The following ARSB variants were observed in gnomAD, a reference collection of about 807,000 sequenced individuals.
ARSB encodes N-acetylgalactosamine-4-sulfatase.
A neutral mutation model predicts 50.9 loss-of-function variants in ARSB; 41 were observed. The observed-to-expected ratio is 0.81, with a 90% CI of 0.63 to 1.04. The LOEUF (loss-of-function observed/expected upper bound fraction) is 1.04. ARSB is among the 50% of genes least tolerant of loss of function. The pLI, the probability that ARSB is intolerant of heterozygous loss-of-function variation, is 0.00. For missense variants in ARSB, 672 were observed against 693.3 expected (o/e 0.97, Z 0.35); for synonymous variants, 269 against 284.8 (o/e 0.94, Z 0.56).
At chr5:78,931,277 T>C (rs1750314859) in intron 4 of ARSB, among the ~76,000 whole-genome samples, 1 of 152,178 alleles carries the variant, frequency 6.6e-6, no homozygotes, top group Non-Finnish European at 1.5e-5. Context: ...TACTACAGGG[T>C]AAATCCTCAT....
intron 4 of ARSB, among the ~76,000 whole-genome samples, chr5:78,942,951 A>C (rs1407952569): frequency 1.3e-5 from 2 of 152,136 alleles, no homozygotes; most frequent in Non-Finnish European, 2.9e-5. Context: ...TTGCTTTATG[A>C]ATCTGGGTGC....
chr5:78,900,014 G>A (rs894044916), intron 4 of ARSB, among the ~76,000 whole-genome samples: 1 of 152,128 alleles, frequency 6.6e-6, no homozygotes, highest in South Asian at 2.1e-4. Flanking sequence ...TCGGCTCTAG[G>A]TGGCGCTATA....
In ARSB at chr5:78,911,572, TAAAAAAAAAAAAAAAAAAAAAAAAA is replaced by T. The variant is rs71001137; in HGVS notation, c.899-25770_899-25746del. ...CTGGGGAACAGAGTGAGACTCCCTCTAAAAAAAAAAAAAAAAAAAAAAAAAAAAAAAAAAAAAAAGAATAACTTGG... is the reference window on the plus strand; with the variant it reads ...CTGGGGAACAGAGTGAGACTCCCTCTAAAAAAAAAAAAAAGAATAACTTGG... On this transcript the variant is annotated intron_variant, in intron 4 of 7. Coordinates refer to ENST00000264914, the MANE Select transcript of ARSB (RefSeq NM_000046.5). Among the ~76,000 whole-genome samples, 395 of 67,858 alleles carry T rather than the reference TAAAAAAAAAAAAAAAAAAAAAAAAA, an allele frequency of 5.8e-3. 3 individuals are homozygous for T. The highest frequency in any genetic ancestry group is 0.03 in the African/African-American group (380 of 12,798). The allele number at this position is 67,858 out of a possible 152,430, so 44.5% of individuals were successfully genotyped here.
chr5:78,871,027 A>C (rs1300864268), intron 5 of ARSB, among the ~76,000 whole-genome samples: 2 of 150,640 alleles, frequency 1.3e-5, no homozygotes, highest in African/African-American at 4.9e-5. Flanking sequence ...AACAACAGAC[A>C]AACAGAGAGC....
At chr5:78,788,108 A>G (rs1421384947) in intron 6 of ARSB, among the ~76,000 whole-genome samples, 3 of 152,212 alleles carry the variant, frequency 2.0e-5, no homozygotes, top group Non-Finnish European at 4.4e-5. Context: ...TTGATGAATG[A>G]GCAGAAGCTA....
At chr5:78,940,982 C>T (rs1405865371) in intron 4 of ARSB, among the ~76,000 whole-genome samples, 1 of 151,804 alleles carries the variant, frequency 6.6e-6, no homozygotes, top group Non-Finnish European at 1.5e-5. Flanking sequence ...TGTAGTTCTC[C>T]TTGAAGAGGT....
chr5:78,909,009 G>T (rs1220195272), intron 4 of ARSB, among the ~76,000 whole-genome samples: 2 of 152,132 alleles, frequency 1.3e-5, no homozygotes, highest in East Asian at 1.9e-4. Flanking sequence ...ACTCCACTTG[G>T]ATCAAGCTCT....
chr5:78,798,136 C>T (rs995330638), intron 6 of ARSB, among the ~76,000 whole-genome samples: 6 of 152,128 alleles, frequency 3.9e-5, no homozygotes, highest in Middle Eastern at 3.2e-3. Context: ...TAAACATGAA[C>T]TTGCGGATCT....
intron 4 of ARSB, among the ~76,000 whole-genome samples, chr5:78,939,440 A>G (rs372158504): frequency 6.6e-6 from 1 of 150,998 alleles, no homozygotes. Flanking sequence ...CCTTCCCCCG[A>G]CCCCACAACA....
intron 6 of ARSB, among the ~76,000 whole-genome samples, chr5:78,784,751 T>C (rs1442831172): frequency 2.0e-5 from 3 of 152,078 alleles, no homozygotes; most frequent in African/African-American, 7.2e-5. Context: ...ATGCTTTTCA[T>C]TTTTTCCCAA....
At position 78,916,229 on chromosome 5, in the gene ARSB, T is replaced by C. The variant is rs147069150; in HGVS notation, c.899-30402A>G. On this transcript the variant is annotated intron_variant, in intron 4 of 7. Transcript: ENST00000264914. ...GCAGGCGGTCTATGACAGCTTCCCATGCAAGTTCTAAGGCAAGATAAGAGA... is the reference window on the plus strand; with the variant it reads ...GCAGGCGGTCTATGACAGCTTCCCACGCAAGTTCTAAGGCAAGATAAGAGA... Among the ~76,000 whole-genome samples the C allele has an allele frequency of 2.4e-3, 369 of 152,276 alleles. 1 individual carries two copies. Among genetic ancestry groups the C allele is most frequent in the African/African-American group, 7.0e-3 (289 of 41,560 alleles).
intron 4 of ARSB, among the ~76,000 whole-genome samples, chr5:78,907,096 A>G (rs1469416635): frequency 6.7e-6 from 1 of 149,210 alleles, no homozygotes; most frequent in Non-Finnish European, 1.5e-5. Context: ...AGGGCAAAAA[A>G]GATACAGAGA....
intron 4 of ARSB, among the ~76,000 whole-genome samples, chr5:78,934,392 T>C (rs1750490019): frequency 6.6e-6 from 1 of 152,190 alleles, no homozygotes; most frequent in South Asian, 2.1e-4. Context: ...GTATAGCTGT[T>C]TAGTATAATA....
intron 6 of ARSB, among the ~76,000 whole-genome samples, chr5:78,829,977 TC>T (rs1289071306): frequency 6.6e-6 from 1 of 152,054 alleles, no homozygotes. Flanking sequence ...CACCACCAAA[TC>T]TTTACCAGAC....
intron 4 of ARSB, among the ~76,000 whole-genome samples, chr5:78,898,557 T>A (rs1011262499): frequency 6.6e-6 from 1 of 152,168 alleles, no homozygotes; most frequent in Non-Finnish European, 1.5e-5. Flanking sequence ...AAACATACAT[T>A]AGTTTTCTAT....
At chr5:78,821,714 G>C (rs1194471545) in intron 6 of ARSB, among the ~76,000 whole-genome samples, 9 of 152,192 alleles carry the variant, frequency 5.9e-5, no homozygotes, top group African/African-American at 2.2e-4. Flanking sequence ...CTACTTATTA[G>C]CTCAAGATTT....
At chr5:78,789,673 C>G (rs960283545) in intron 6 of ARSB, among the ~76,000 whole-genome samples, 2 of 152,116 alleles carry the variant, frequency 1.3e-5, no homozygotes, top group Non-Finnish European at 2.9e-5. Context: ...TCAATTTGTA[C>G]TATAAAGCAT....
rs774947204 is a variant in ARSB at position 78,781,960 on chromosome 5, T to C, written c.1228A>G (p.Met410Val). 3 of 1,614,158 alleles carry C rather than the reference T, an allele frequency of 1.9e-6. No individual in the cohort carries two copies. The highest frequency in any genetic ancestry group is 2.5e-6 in the Non-Finnish European group (3 of 1,179,978). Reference sequence around the variant, plus strand: ...GAAGAGTCATCCTTTGCTGGAGCCATGCTGTTCCTGGGACCTGGGAAGAAA... The same window carrying C: ...GAAGAGTCATCCTTTGCTGGAGCCACGCTGTTCCTGGGACCTGGGAAGAAA... ...VDSSPCPRNSMAPAKDDSSLP... is the reference protein window; with the variant it reads ...VDSSPCPRNSVAPAKDDSSLP... The change falls in exon 7 of 8, where the codon ATG (methionine) becomes GTG (valine). Residue 410 changes from methionine to valine, a missense_variant. Physicochemically the swap from Met to Val is conservative, Grantham distance 21. Transcript: ENST00000264914.
chr5:78,947,661 G>C (rs141330782), intron 4 of ARSB, among the ~76,000 whole-genome samples: 2 of 152,228 alleles, frequency 1.3e-5, no homozygotes, highest in African/African-American at 4.8e-5. Context: ...TGGAGAAAAG[G>C]GTACTTTTGT....
Sources: gnomAD v4.1 joint callset for allele counts (sites outside exome capture counted in the v4.1 genomes callset) on GRCh38, gnomAD v4.1.1 for gene constraint, MANE v1.5 for transcripts, NCBI Gene and HGNC (gene_info 2026-07-23, HGNC 2026-07-21) for gene names.